SERPINB8: variants seen among roughly 807,000 people sequenced by gnomAD.
SERPINB8 encodes the protein serpin B8.
SERPINB8 carries 25 observed loss-of-function variants against 35.3 expected under a neutral mutation model. The observed-to-expected ratio is 0.71, with a 90% CI of 0.52 to 0.99. The LOEUF is 0.99. SERPINB8 is among the 50% of genes least tolerant of loss of function. The pLI is 0.00. For missense variants in SERPINB8, 484 were observed against 446.5 expected, an observed-to-expected ratio of 1.08 and a Z score of -0.76; for synonymous variants, 186 against 160.8, an observed-to-expected ratio of 1.16 and a Z score of -1.19.
chr18:63,982,856 C>T (rs1471973367), intron 4 of SERPINB8, among the ~76,000 whole-genome samples: 1 of 152,056 alleles, frequency 6.6e-6, no homozygotes, highest in Non-Finnish European at 1.5e-5. Context: ...TTGGAGATGA[C>T]CTTGTTACCC....
chr18:64,002,354 A>G (rs922459501), intron 1 of SERPINB8, among the ~76,000 whole-genome samples: 35 of 152,100 alleles, frequency 2.3e-4, no homozygotes, highest in Non-Finnish European at 1.9e-4. Flanking sequence ...TGATACATGT[A>G]AGAAATAAAG....
chr18:63,989,960 A>C (rs1388535093), downstream of SERPINB8, among the ~76,000 whole-genome samples: 1 of 149,322 alleles, frequency 6.7e-6, no homozygotes, highest in Non-Finnish European at 1.5e-5. Flanking sequence ...AAAAAAAAAA[A>C]AAAAAAAAAC....
intron 1 of SERPINB8, among the ~76,000 whole-genome samples, chr18:63,975,205 T>A (rs2050562234): frequency 6.6e-6 from 1 of 152,058 alleles, no homozygotes; most frequent in Non-Finnish European, 1.5e-5. Flanking sequence ...TTGGATCAAA[T>A]CCAAATTTAT....
chr18:63,986,943 G>A lies in SERPINB8; in HGVS notation c.790G>A (p.Val264Ile), dbSNP rs199920013. 6 of 1,614,012 alleles carry A rather than the reference G, an allele frequency of 3.7e-6. No individual in the cohort carries two copies. The African/African-American group carries it at 6.7e-5, about 18-fold the overall frequency. Reference sequence around the variant, plus strand: ...TTCAGAAAAGTTGACAAAAAGTAAGGTTCAAGTTTTCCTTCCCAGATTAAA... The same window carrying A: ...TTCAGAAAAGTTGACAAAAAGTAAGATTCAAGTTTTCCTTCCCAGATTAAA... ...TNSEKLTKSK[V>I]QVFLPRLKLE... is the part of the protein sequence containing the mutation. The change falls in exon 7 of 7, where the codon GTT becomes ATT. Residue 264 changes from valine to isoleucine, a missense_variant. Physicochemically the swap from Val to Ile is conservative, Grantham distance 29. Transcript: ENST00000397985.
chr18:64,017,827 T>A (rs2050957643), intron 7 of SERPINB8, among the ~76,000 whole-genome samples: 1 of 152,196 alleles, frequency 6.6e-6, no homozygotes, highest in Non-Finnish European at 1.5e-5. Flanking sequence ...TGACTTTTGC[T>A]CATTTATCTA....
chr18:64,004,914 A>C (rs2050892826), exon 2 of SERPINB8: 5 of 398,492 alleles, frequency 1.3e-5, no homozygotes, highest in Non-Finnish European at 4.4e-6. Context: ...CATTGAATTG[A>C]GGGATATTCT....
At chr18:63,971,623 A>G (rs1051965565) in intron 1 of SERPINB8, among the ~76,000 whole-genome samples, 1 of 152,158 alleles carries the variant, frequency 6.6e-6, no homozygotes, top group Admixed American at 6.5e-5. Context: ...ATTGCAGACA[A>G]TCCCTCTGCT....
At chr18:63,991,608 T>G (rs1332639451), downstream of SERPINB8, among the ~76,000 whole-genome samples, 1 of 152,176 alleles carries the variant, frequency 6.6e-6, no homozygotes, top group Non-Finnish European at 1.5e-5. Context: ...CTAGTAGCTG[T>G]GTTTCTAGTT....
At chr18:64,017,277 G>A (rs758580109) in intron 7 of SERPINB8, among the ~76,000 whole-genome samples, 2 of 152,110 alleles carry the variant, frequency 1.3e-5, no homozygotes, top group African/African-American at 4.8e-5. Flanking sequence ...TTAGGCCAAG[G>A]ATGATTTCTT....
downstream of SERPINB8, among the ~76,000 whole-genome samples, chr18:64,006,415 C>T (rs1292226881): frequency 6.6e-6 from 1 of 152,088 alleles, no homozygotes; most frequent in Non-Finnish European, 1.5e-5. Context: ...GAATGGGAAC[C>T]CTCATGTGGG....
intron 1 of SERPINB8, among the ~76,000 whole-genome samples, chr18:63,977,331 T>TC (rs2050597160): frequency 6.6e-6 from 1 of 151,900 alleles, no homozygotes; most frequent in Non-Finnish European, 1.5e-5. Context: ...CCAAGATCTT[T>TC]TTTTTTTTTT....
At chr18:63,979,344 A>G (rs72945615) in intron 2 of SERPINB8, among the ~76,000 whole-genome samples, 1 of 152,142 alleles carries the variant, frequency 6.6e-6, no homozygotes, top group South Asian at 2.1e-4. Flanking sequence ...GTATTACCCG[A>G]GTTGTAATTC....
chr18:63,977,789 T>A (rs1198954283), intron 1 of SERPINB8, among the ~76,000 whole-genome samples: 2 of 152,244 alleles, frequency 1.3e-5, no homozygotes, highest in Non-Finnish European at 2.9e-5. Context: ...GTGATAACAC[T>A]TTACCACAAA....
At chr18:64,017,420 GA>G (rs965066070) in intron 7 of SERPINB8, among the ~76,000 whole-genome samples, 3 of 152,292 alleles carry the variant, frequency 2.0e-5, no homozygotes, top group Admixed American at 6.5e-5. Context: ...TCAAGGAAGA[GA>G]GACAAACTTT....
rs2050857705 is a variant in SERPINB8, at chr18:63,997,914, C to T, written c.71-6905C>T. 2.0e-5 allele frequency among the ~76,000 whole-genome samples: 3 copies of T among 152,224 alleles called. No homozygotes were observed. The South Asian group carries it at 6.2e-4, about 32-fold the overall frequency. On this transcript the variant is annotated intron_variant, in intron 1 of 1. Coordinates refer to the SERPINB8 transcript ENST00000493661. ...GAGCAGACCGTGCATGTCAGCTAAACATGGAGAATGATTTGTCATCTGCCC... is the reference window on the plus strand; with the variant it reads ...GAGCAGACCGTGCATGTCAGCTAAATATGGAGAATGATTTGTCATCTGCCC...
At chr18:64,001,614 C>A (rs887839971) in intron 1 of SERPINB8, among the ~76,000 whole-genome samples, 1 of 152,056 alleles carries the variant, frequency 6.6e-6, no homozygotes. Context: ...CCTCAGCCTC[C>A]CAAGTAGCTG....
downstream of SERPINB8, among the ~76,000 whole-genome samples, chr18:64,007,836 G>A (rs918398142): frequency 7.2e-5 from 11 of 152,098 alleles, no homozygotes; most frequent in Admixed American, 4.6e-4. Flanking sequence ...CAACACTGGG[G>A]ATTACAAGTT....
At chr18:64,006,149 T>C (rs532574953), downstream of SERPINB8, among the ~76,000 whole-genome samples, 73 of 152,228 alleles carry the variant, frequency 4.8e-4, no homozygotes, top group Non-Finnish European at 4.1e-4. Context: ...AATGGCCATG[T>C]GGTTATGTCA....
intron 7 of SERPINB8, among the ~76,000 whole-genome samples, chr18:64,013,782 A>AAC (rs2050936974): frequency 6.6e-6 from 1 of 152,148 alleles, no homozygotes; most frequent in South Asian, 2.1e-4. Flanking sequence ...GGTGTTCCGG[A>AAC]AAGAAGGAAG....
Sources: allele counts gnomAD v4.1 joint callset (sites outside exome capture counted in the v4.1 genomes callset), GRCh38; gene constraint gnomAD v4.1.1; transcripts MANE v1.5; gene names NCBI Gene and HGNC (gene_info 2026-07-23, HGNC 2026-07-21).